PEPD: variants seen among roughly 807,000 people sequenced by gnomAD.
PEPD encodes peptidase D.
PEPD carries 53 observed loss-of-function variants against 60.7 expected under a neutral mutation model. That is an observed-to-expected ratio of 0.87 (90% CI 0.70 to 1.10). PEPD has a LOEUF of 1.10. PEPD is among the 50% of genes least tolerant of loss of function. The pLI is 0.00. For missense variants in PEPD, 711 were observed against 711.9 expected (o/e 1.00, Z 0.01); for synonymous variants, 267 against 284.1 (o/e 0.94, Z 0.60).
At chr19:33,389,502 C>G (rs1010310094) in intron 13 of PEPD, among the ~76,000 whole-genome samples, 2 of 152,138 alleles carry the variant, frequency 1.3e-5, no homozygotes, top group African/African-American at 4.8e-5. Context: ...TGGGCTCCCC[C>G]ACCCCACCGC....
chr19:33,398,000 G>A (rs1968405902), intron 12 of PEPD, among the ~76,000 whole-genome samples: 1 of 152,190 alleles, frequency 6.6e-6, no homozygotes, highest in Non-Finnish European at 1.5e-5. Flanking sequence ...TGCCCAGGCC[G>A]CAGCAGGCTT....
intron 9 of PEPD, among the ~76,000 whole-genome samples, chr19:33,462,499 C>A (rs952729188): frequency 6.6e-6 from 1 of 152,220 alleles, no homozygotes; most frequent in Non-Finnish European, 1.5e-5. Context: ...CACGGCTGGG[C>A]AGCCGCCGGA....
chr19:33,475,067 GCTGGGTGAAT>G (rs1484189954), intron 7 of PEPD, among the ~76,000 whole-genome samples: 1 of 151,876 alleles, frequency 6.6e-6, no homozygotes, highest in Non-Finnish European at 1.5e-5. Flanking sequence ...GGAAACTGAG[GCTGGGTGAAT>G]CTTCACATCC....
intron 3 of PEPD, 21 bp from the exon 4 acceptor site, chr19:33,501,022 A>G (rs746582136): frequency 4.0e-6 from 6 of 1,505,542 alleles, no homozygotes; most frequent in Admixed American, 3.3e-5. Flanking sequence ...AGCACAAGGA[A>G]TATCAGGGTC....
chr19:33,466,879 C>T (rs370344714), intron 7 of PEPD, among the ~76,000 whole-genome samples: 38 of 151,978 alleles, frequency 2.5e-4, no homozygotes, highest in African/African-American at 8.9e-4. Flanking sequence ...CAGTCTAGGC[C>T]GGGCGCGGTG....
intron 9 of PEPD, among the ~76,000 whole-genome samples, chr19:33,426,413 T>C (rs1969149678): frequency 6.6e-6 from 1 of 152,230 alleles, no homozygotes; most frequent in Non-Finnish European, 1.5e-5. Context: ...GATCTAACTT[T>C]CTCTGGAAAG....
At position 33,455,678 on chromosome 19, in the gene PEPD, A is replaced by ATT. The variant is rs34754945; in HGVS notation, c.671+7315_671+7316dup. Among the ~76,000 whole-genome samples, 1,253 of 134,660 alleles carry ATT rather than the reference A, an allele frequency of 9.3e-3. 21 individuals are homozygous for ATT. Among genetic ancestry groups the ATT allele is most frequent in the African/African-American group, 0.027 (963 of 35,288 alleles). 88.3% of individuals were successfully genotyped at this position (134,660 alleles called of 152,430 possible). ...TCACCACACTCAGCTAATTAAAAAC[A>ATT]TTTTTTTTTTTTTTTTGTAGAGGCA... On this transcript the variant is annotated intron_variant, in intron 9 of 14. Coordinates refer to ENST00000244137, the MANE Select transcript of PEPD (RefSeq NM_000285.4).
At chr19:33,393,276 TGGGGTCTGGCGTGGGGGAGAGCCC>T (rs1338920685) in intron 12 of PEPD, among the ~76,000 whole-genome samples, 125 of 141,532 alleles carry the variant, frequency 8.8e-4, no homozygotes, top group African/African-American at 1.8e-3. Flanking sequence ...GCCCGGGGTC[TGGGGTCTGGCGTGGGGGAGAGCCC>T]GGGGTCTGGC....
chr19:33,422,602 C>CCCAT lies in PEPD; in HGVS notation c.672-8963_672-8960dup, dbSNP rs926254427. Among the ~76,000 whole-genome samples, 4 of 146,608 alleles carry CCCAT rather than the reference C, an allele frequency of 2.7e-5. No individual in the cohort carries two copies. The Admixed American group carries it at 2.7e-4, about 10-fold the overall frequency. On this transcript the variant is annotated intron_variant, in intron 9 of 14. Coordinates refer to ENST00000244137, the MANE Select transcript of PEPD (RefSeq NM_000285.4). The stretch of plus-strand genomic sequence containing the variant: ...TATCTACCTAAGTGCAATCCAACTA[C>CCCAT]CCATCCATCCATCCATCCCTCTATC...
At chr19:33,497,056 G>A (rs3786916) in intron 4 of PEPD, among the ~76,000 whole-genome samples, 11,588 of 152,330 alleles carry the variant, frequency 0.076, 659 homozygotes, top group Admixed American at 0.17. Context: ...AGTATTGCAC[G>A]CTGGTGGCCT....
intron 11 of PEPD, among the ~76,000 whole-genome samples, chr19:33,409,063 C>T (rs948514813): frequency 3.3e-5 from 5 of 152,288 alleles, no homozygotes; most frequent in African/African-American, 1.2e-4. Flanking sequence ...GCCTCTACAG[C>T]TGCAGCTGGG....
intron 9 of PEPD, among the ~76,000 whole-genome samples, chr19:33,459,531 A>T (rs1348566094): frequency 6.6e-6 from 1 of 152,126 alleles, no homozygotes; most frequent in African/African-American, 2.4e-5. Flanking sequence ...GTTAGAGCCC[A>T]ATTTACCCAA....
chr19:33,471,318 C>T (rs1970116229), intron 7 of PEPD, among the ~76,000 whole-genome samples: 1 of 152,150 alleles, frequency 6.6e-6, no homozygotes, highest in Non-Finnish European at 1.5e-5. Context: ...TAGAGGGATG[C>T]ACCCCAGCCT....
intron 3 of PEPD, among the ~76,000 whole-genome samples, chr19:33,506,246 ACACT>A (rs1970805769): frequency 1.4e-5 from 2 of 143,988 alleles, no homozygotes; most frequent in African/African-American, 5.3e-5. Context: ...ACAAGACAGC[ACACT>A]CACACCCACT....
intron 1 of PEPD, among the ~76,000 whole-genome samples, chr19:33,515,577 C>T (rs1971010038): frequency 6.6e-6 from 1 of 152,134 alleles, no homozygotes; most frequent in Non-Finnish European, 1.5e-5. Flanking sequence ...ACGCCCTTTC[C>T]CTTCACTCAG....
At chr19:33,424,090 C>CT (rs1969092969) in intron 9 of PEPD, among the ~76,000 whole-genome samples, 1 of 152,230 alleles carries the variant, frequency 6.6e-6, no homozygotes, top group African/African-American at 2.4e-5. Context: ...GGGGCTGCGC[C>CT]TGTCACCTGC....
At chr19:33,453,317 A>AAAAAAAAT (rs1555762504) in intron 9 of PEPD, among the ~76,000 whole-genome samples, 47 of 148,754 alleles carry the variant, frequency 3.2e-4, no homozygotes, top group East Asian at 7.8e-4. Flanking sequence ...CTGTCATAAA[A>AAAAAAAAT]AAATAAATAA....
At chr19:33,514,734 TG>T (rs1218209191) in intron 1 of PEPD, among the ~76,000 whole-genome samples, 1 of 151,520 alleles carries the variant, frequency 6.6e-6, no homozygotes, top group African/African-American at 2.4e-5. Flanking sequence ...ACTAAATGGC[TG>T]GGGGCACCCC....
At chr19:33,437,565 A>T (rs977027446) in intron 9 of PEPD, among the ~76,000 whole-genome samples, 3 of 152,186 alleles carry the variant, frequency 2.0e-5, no homozygotes, top group African/African-American at 7.2e-5. Flanking sequence ...GCCTCTAAGC[A>T]TCATAAATAA....
Sources: allele counts gnomAD v4.1 joint callset (sites outside exome capture counted in the v4.1 genomes callset), GRCh38; gene constraint gnomAD v4.1.1; transcripts MANE v1.5; gene names NCBI Gene and HGNC (gene_info 2026-07-23, HGNC 2026-07-21).